TBC1D5: variants seen among roughly 807,000 people sequenced by gnomAD.
TBC1D5 encodes the protein TBC1 domain family, member 5.
TBC1D5 carries 75 observed loss-of-function variants against 100.3 expected under a neutral mutation model. That is an observed-to-expected ratio of 0.75 (90% CI 0.62 to 0.91). The LOEUF (loss-of-function observed/expected upper bound fraction) is 0.91. TBC1D5 is among the 40% of genes least tolerant of loss of function. TBC1D5 has a pLI of 0.00. For synonymous variants in TBC1D5, 323 were observed against 325.6 expected (o/e 0.99, Z 0.09); for missense variants, 910 against 942.4 (o/e 0.97, Z 0.45).
At chr3:17,244,883 T>G (rs540991888) in intron 16 of TBC1D5, among the ~76,000 whole-genome samples, 3 of 151,948 alleles carry the variant, frequency 2.0e-5, no homozygotes, top group Non-Finnish European at 4.4e-5. Flanking sequence ...ATACTTCTAT[T>G]TAAAAATTCT....
chr3:17,239,033 G>T (rs1037155362), intron 16 of TBC1D5, among the ~76,000 whole-genome samples: 4 of 151,814 alleles, frequency 2.6e-5, no homozygotes, highest in African/African-American at 9.7e-5. Flanking sequence ...TATTTTTCTC[G>T]ATAGCACTTT....
At chr3:17,379,910 C>T (rs922817677) in intron 9 of TBC1D5, among the ~76,000 whole-genome samples, 1 of 151,244 alleles carries the variant, frequency 6.6e-6, no homozygotes. Context: ...CTTATTGTAC[C>T]ATACTCAACT....
chr3:17,157,850 G>C (rs1476048424), exon 22 of TBC1D5: 8 of 152,276 alleles, frequency 5.3e-5, no homozygotes, highest in Non-Finnish European at 1.0e-4. Flanking sequence ...TTGAGAGCGG[G>C]CAACTAACCC....
At chr3:17,729,789 G>A (rs1054520751) in intron 1 of TBC1D5, among the ~76,000 whole-genome samples, 7 of 152,048 alleles carry the variant, frequency 4.6e-5, no homozygotes, top group African/African-American at 9.7e-5. Context: ...CAAGAAGAGT[G>A]AGAACAAAGG....
At chr3:17,451,880 A>C (rs553621624) in intron 3 of TBC1D5, among the ~76,000 whole-genome samples, 5 of 152,066 alleles carry the variant, frequency 3.3e-5, no homozygotes, top group Admixed American at 6.6e-5. Flanking sequence ...AGAGAGGACC[A>C]CCATCGCACT....
intron 8 of TBC1D5, 106 bp downstream of exon 8, chr3:17,403,075 T>C: frequency 1.1e-6 from 1 of 873,862 alleles, no homozygotes; most frequent in East Asian, 2.9e-5. Context: ...ACAAGTAGAA[T>C]ACTGCATTCA....
intron 18 of TBC1D5, among the ~76,000 whole-genome samples, chr3:17,210,093 A>T (rs974735928): frequency 2.6e-5 from 4 of 152,146 alleles, no homozygotes; most frequent in African/African-American, 9.7e-5. Flanking sequence ...ATTTTTTTGA[A>T]TCTTTAATGT....
intron 1 of TBC1D5, among the ~76,000 whole-genome samples, chr3:17,728,508 C>T (rs191351443): frequency 9.1e-4 from 138 of 152,162 alleles, no homozygotes; most frequent in African/African-American, 3.2e-3. Flanking sequence ...GCTACAGGAA[C>T]TTGTTACTGA....
rs115927813 is a variant in TBC1D5, at chr3:17,517,697, T to A, written c.-35-9092A>T. Among the ~76,000 whole-genome samples, 1,080 of 152,316 alleles carry A rather than the reference T, an allele frequency of 7.1e-3. 8 individuals carry two copies. The highest frequency in any genetic ancestry group is 0.024 in the African/African-American group (1,014 of 41,568). ...TATATTTGACATAAAGTAGACACTATCTTGTGGCTAAACTTTTAAGTCAAT... is the reference window on the plus strand; with the variant it reads ...TATATTTGACATAAAGTAGACACTAACTTGTGGCTAAACTTTTAAGTCAAT... On this transcript the variant is annotated intron_variant, in intron 2 of 21. Transcript: ENST00000253692.
chr3:17,559,755 A>G (rs1022575017), intron 2 of TBC1D5, among the ~76,000 whole-genome samples: 2 of 151,796 alleles, frequency 1.3e-5, no homozygotes, highest in African/African-American at 4.8e-5. Flanking sequence ...ATGCCCGGCT[A>G]ATTTTTTGTA....
At chr3:17,213,073 G>A (rs1425447140) in intron 18 of TBC1D5, among the ~76,000 whole-genome samples, 2 of 152,036 alleles carry the variant, frequency 1.3e-5, no homozygotes, top group East Asian at 3.8e-4. Context: ...CCCTAGACAG[G>A]TGTACCATTT....
chr3:17,557,075 T>G (rs2096526886), intron 2 of TBC1D5, among the ~76,000 whole-genome samples: 1 of 152,192 alleles, frequency 6.6e-6, no homozygotes, highest in Non-Finnish European at 1.5e-5. Context: ...CTGCTTAACA[T>G]GAACGAAAAG....
At chr3:17,736,562 G>A (rs982086299) in intron 1 of TBC1D5, among the ~76,000 whole-genome samples, 1 of 152,060 alleles carries the variant, frequency 6.6e-6, no homozygotes, top group Non-Finnish European at 1.5e-5. Flanking sequence ...TCAACTCCAC[G>A]TCTCCAACCT....
chr3:17,219,396 C>T (rs925682548), intron 17 of TBC1D5, among the ~76,000 whole-genome samples: 9 of 151,460 alleles, frequency 5.9e-5, no homozygotes, highest in African/African-American at 2.2e-4. Flanking sequence ...AGTCTTTATC[C>T]AGTAAGTTTA....
At chr3:17,666,731 T>A (rs2067299819) in intron 1 of TBC1D5, among the ~76,000 whole-genome samples, 2 of 152,144 alleles carry the variant, frequency 1.3e-5, no homozygotes, top group Non-Finnish European at 2.9e-5. Flanking sequence ...TGTGTAACGA[T>A]CTTATATAGG....
In TBC1D5 at chr3:17,416,929, A is replaced by G. The variant is rs561608828; in HGVS notation, c.168-10403T>C. ...TATTCAGTAACAGGCTGGCTAAACA[A>G]ACCTGGAAGGGACAATTTAAAATGA... On this transcript the variant is annotated intron_variant, in intron 4 of 21. Transcript: ENST00000253692. Among the ~76,000 whole-genome samples the G allele has an allele frequency of 2.8e-4, 43 of 152,326 alleles. No individual in the cohort carries two copies. In the South Asian group the frequency reaches 3.7e-3, roughly 13 times the overall value.
chr3:17,635,718 AG>A (rs2063851619), intron 1 of TBC1D5, among the ~76,000 whole-genome samples: 1 of 152,170 alleles, frequency 6.6e-6, no homozygotes, highest in Admixed American at 6.6e-5. Context: ...CCTAATGAAA[AG>A]GTAAAGAACA....
At chr3:17,742,084 G>A (rs578137013), upstream of TBC1D5, among the ~76,000 whole-genome samples, 1 of 152,278 alleles carries the variant, frequency 6.6e-6, no homozygotes, top group African/African-American at 2.4e-5. Context: ...TGCCTTTACT[G>A]CAGTTGGCCT....
intron 1 of TBC1D5, among the ~76,000 whole-genome samples, chr3:17,650,801 G>T (rs1210553997): frequency 1.3e-5 from 2 of 152,176 alleles, no homozygotes; most frequent in Admixed American, 1.3e-4. Context: ...AATGTGTAAA[G>T]TGGTGAATGT....
Sources: allele counts gnomAD v4.1 joint callset (sites outside exome capture counted in the v4.1 genomes callset), GRCh38; gene constraint gnomAD v4.1.1; transcripts MANE v1.5; gene names NCBI Gene and HGNC (gene_info 2026-07-23, HGNC 2026-07-21).